Variants in LINGO2 observed in about 807,000 individuals in gnomAD.
The protein encoded by LINGO2 is leucine-rich repeat and immunoglobulin-like domain-containing nogo receptor-interacting protein 2.
LINGO2 carries 14 observed loss-of-function variants against 30.6 expected under a neutral mutation model. That is an observed-to-expected ratio of 0.46 (90% CI 0.30 to 0.72). The LOEUF is 0.72. Among genes scored for constraint, LINGO2 ranks in the 30% least tolerant of loss-of-function variants. The pLI, the probability that LINGO2 is intolerant of heterozygous loss-of-function variation, is 0.07. For synonymous variants in LINGO2, 317 were observed against 288.5 expected (o/e 1.10, Z -1.00); for missense variants, 729 against 751.7 (o/e 0.97, Z 0.35).
chr9:28,053,792 A>G (rs1253262708), intron 4 of LINGO2, among the ~76,000 whole-genome samples: 2 of 152,210 alleles, frequency 1.3e-5, no homozygotes, highest in South Asian at 2.1e-4. Flanking sequence ...AACCCAATGT[A>G]TTTTCTATTC....
rs146683089 is a variant in LINGO2, at chr9:28,054,394, G to A, written c.-86-41989C>T. On this transcript the variant is annotated intron_variant, in intron 4 of 5. Coordinates refer to ENST00000379992, the Ensembl canonical transcript of LINGO2. ...AGATGCCGAAAGATCAGTAGTAGCT[G>A]ATGAGATGGAACATTTTATAAGACT... Among the ~76,000 whole-genome samples, 6 of 152,242 alleles carry A rather than the reference G, an allele frequency of 3.9e-5. No individual in the cohort carries two copies. In the East Asian group the frequency reaches 9.7e-4, roughly 25 times the overall value.
At chr9:29,066,284 C>T in the LINGO2 span, among the ~76,000 whole-genome samples, 1 of 151,920 alleles carries the variant, frequency 6.6e-6, no homozygotes, top group African/African-American at 2.4e-5. Flanking sequence ...AGCAGTGATA[C>T]GTCGCAAGAG....
At chr9:28,963,956 A>C in the LINGO2 span, among the ~76,000 whole-genome samples, 1 of 151,914 alleles carries the variant, frequency 6.6e-6, no homozygotes, top group Admixed American at 6.6e-5. Context: ...AGAAATGATA[A>C]ATGTTCAAGG....
chr9:29,194,986 T>G, the LINGO2 span, among the ~76,000 whole-genome samples: 2 of 152,116 alleles, frequency 1.3e-5, no homozygotes, highest in Admixed American at 1.3e-4. Context: ...ACAGAACAGC[T>G]CCAACACTTC....
At chr9:28,031,415 A>G (rs1210503885) in intron 4 of LINGO2, among the ~76,000 whole-genome samples, 1 of 151,214 alleles carries the variant, frequency 6.6e-6, no homozygotes, top group Non-Finnish European at 1.5e-5. Flanking sequence ...TTTATGGGTT[A>G]CAATATGTTT....
At chr9:28,047,956 T>TA (rs975816548) in intron 4 of LINGO2, among the ~76,000 whole-genome samples, 1 of 150,612 alleles carries the variant, frequency 6.6e-6, no homozygotes, top group African/African-American at 2.5e-5. Context: ...AGAATCAACG[T>TA]AATTTCCACA....
intron 1 of LINGO2, among the ~76,000 whole-genome samples, chr9:28,645,945 G>A (rs897311955): frequency 6.6e-6 from 1 of 152,038 alleles, no homozygotes; most frequent in Admixed American, 6.6e-5. Context: ...TACTTACTGA[G>A]TTTAGTAATT....
At chr9:28,107,782 A>C (rs1371146265) in intron 4 of LINGO2, among the ~76,000 whole-genome samples, 1 of 152,072 alleles carries the variant, frequency 6.6e-6, no homozygotes, top group Non-Finnish European at 1.5e-5. Context: ...ATTCATTTCT[A>C]AGGGGAGTCT....
intron 1 of LINGO2, among the ~76,000 whole-genome samples, chr9:28,553,932 AC>A (rs1435339649): frequency 6.6e-6 from 1 of 152,062 alleles, no homozygotes; most frequent in African/African-American, 2.4e-5. Context: ...AAAATACTTT[AC>A]AGACAAGCAA....
chr9:29,077,131 C>T, the LINGO2 span, among the ~76,000 whole-genome samples: 273 of 152,066 alleles, frequency 1.8e-3, 1 homozygote, highest in African/African-American at 6.2e-3. Flanking sequence ...TTTTTAAAAA[C>T]TACCTATCAA....
chr9:28,582,847 A>G (rs1229663863), intron 1 of LINGO2, among the ~76,000 whole-genome samples: 1 of 152,070 alleles, frequency 6.6e-6, no homozygotes, highest in African/African-American at 2.4e-5. Flanking sequence ...GTTTATGGTT[A>G]GTTTTGAATT....
the LINGO2 span, among the ~76,000 whole-genome samples, chr9:29,166,446 C>T: frequency 5.3e-5 from 8 of 152,068 alleles, no homozygotes; most frequent in Non-Finnish European, 8.8e-5. Flanking sequence ...GTTATAGAGT[C>T]TCAGCCATTC....
intron 4 of LINGO2, among the ~76,000 whole-genome samples, chr9:28,201,631 C>A (rs1587211044): frequency 6.6e-6 from 1 of 151,360 alleles, no homozygotes; most frequent in African/African-American, 2.4e-5. Context: ...ATTTCTAGTT[C>A]TAGATCCCTG....
the LINGO2 span, among the ~76,000 whole-genome samples, chr9:28,895,642 A>G: frequency 3.3e-5 from 5 of 151,960 alleles, no homozygotes; most frequent in African/African-American, 1.2e-4. Context: ...ACTCGCAAAT[A>G]ATACATTTTT....
the LINGO2 span, among the ~76,000 whole-genome samples, chr9:28,951,661 A>G: frequency 8.6e-5 from 13 of 152,012 alleles, no homozygotes; most frequent in African/African-American, 3.1e-4. Context: ...GCATAGCAAC[A>G]CTTCTGAGAA....
In LINGO2 at chr9:28,506,487, T is replaced by TATATATATAG. The variant is rs1554729610; in HGVS notation, c.-364-30463_-364-30462insCTATATATAT. Among the ~76,000 whole-genome samples the TATATATATAG allele has an allele frequency of 9.9e-5, 4 of 40,412 alleles. 1 individual carries two copies. Among genetic ancestry groups the TATATATATAG allele is most frequent in the African/African-American group, 2.7e-4 (4 of 14,800 alleles). 26.5% of individuals were successfully genotyped at this position (40,412 alleles called of 152,430 possible). ...ATACACACACACACACACATACACA[T>TATATATATAG]ACACACACACACACAGACATATATA... On this transcript the variant is annotated intron_variant, in intron 1 of 5. Transcript: ENST00000379992.
At chr9:28,852,877 A>G in the LINGO2 span, among the ~76,000 whole-genome samples, 1 of 152,054 alleles carries the variant, frequency 6.6e-6, no homozygotes, top group South Asian at 2.1e-4. Flanking sequence ...AATTTCAGTA[A>G]GCCTATAATA....
intron 2 of LINGO2, among the ~76,000 whole-genome samples, chr9:28,427,809 G>A (rs1003572338): frequency 2.0e-5 from 3 of 152,070 alleles, no homozygotes; most frequent in Admixed American, 6.6e-5. Flanking sequence ...GTTAGATGAG[G>A]CCATCTCCTC....
At chr9:28,016,974 T>TA (rs1435117766) in intron 4 of LINGO2, among the ~76,000 whole-genome samples, 9 of 152,038 alleles carry the variant, frequency 5.9e-5, no homozygotes, top group African/African-American at 2.2e-4. Context: ...CTGCAGCATA[T>TA]AAAACAGCTA....
Sources: allele counts gnomAD v4.1 joint callset (sites outside exome capture counted in the v4.1 genomes callset), GRCh38; gene constraint gnomAD v4.1.1; transcripts MANE v1.5; gene names NCBI Gene and HGNC (gene_info 2026-07-23, HGNC 2026-07-21).